Variants in NOTCH4 observed in about 807,000 individuals in gnomAD.
NOTCH4 encodes the protein neurogenic locus notch homolog protein 4.
In NOTCH4, 138 loss-of-function variants were observed where a neutral mutation model predicts 189.0. The observed-to-expected ratio is 0.73, with a 90% CI of 0.64 to 0.84. NOTCH4 has a LOEUF of 0.84. Among genes scored for constraint, NOTCH4 ranks in the 40% least tolerant of loss-of-function variants. The probability of loss-of-function intolerance (pLI) is 0.00; values close to 1 mark genes in which losing one functional copy is unlikely to be tolerated. For synonymous variants in NOTCH4, 942 were observed against 1,032.8 expected (o/e 0.91, Z 1.69); for missense variants, 2,286 against 2,605.4 (o/e 0.88, Z 2.67).
rs779968146 is a variant in NOTCH4, at chr6:32,202,369, G to GT, written c.3461_3462insA (p.Gly1156ArgfsTer24). On this transcript the variant is annotated frameshift_variant, in exon 21 of 30. Coordinates refer to ENST00000375023, the MANE Select transcript of NOTCH4 (RefSeq NM_004557.4). LOFTEE classifies it high-confidence loss of function. The surrounding 1 kb of genome is among the most constrained non-coding windows in gnomAD (Gnocchi z 5.7). ...GAGGGCAGGAGCATCGAAAGCCTGG[G>GT]CCCCCCAAGCCCGTGGTCTCTGAGC... The GT allele has an allele frequency of 6.2e-7, 1 of 1,612,710 alleles. No individual in the cohort carries two copies. The highest frequency in any genetic ancestry group is 1.1e-5 in the South Asian group (1 of 91,054).
chr6:32,220,154 G>A lies in NOTCH4; in HGVS notation c.1290C>T (p.His430=). ...CCATCAGACACTCGTCCAGGTCCTG[G>A]TGGCAGGTGGGCCCCGAATAGCCAG... is the stretch of plus-strand genomic sequence containing the variant. ...CQPGYSGPTC[H]QDLDECLMAQ... is the part of the protein sequence containing the mutation. Residue 430 remains histidine, a synonymous_variant, in exon 7 of 30, where the codon CAC becomes CAT. Coordinates refer to ENST00000375023, the MANE Select transcript of NOTCH4 (RefSeq NM_004557.4). 6.2e-7 allele frequency: 1 copy of A among 1,613,838 alleles called. No homozygotes were observed. The highest frequency in any genetic ancestry group is 1.1e-5 in the South Asian group (1 of 91,056).
At position 32,196,360 on chromosome 6, in the gene NOTCH4, G is replaced by C; in HGVS notation, c.5262C>G (p.Leu1754=). 1.2e-6 allele frequency: 2 copies of C among 1,613,144 alleles called. No individual in the cohort carries two copies. Among genetic ancestry groups the C allele is most frequent in the Non-Finnish European group, 1.7e-6 (2 of 1,180,040 alleles). Reference sequence around the variant, plus strand: ...GGGCATCTTTATCGGCTCCGGCCTGGAGAAGCGAGCGGGCGGCTCGGGCGT... The same window carrying C: ...GGGCATCTTTATCGGCTCCGGCCTGCAGAAGCGAGCGGGCGGCTCGGGCGT... ...VNNARAARSL[L]QAGADKDAQD... Residue 1754 remains leucine, a synonymous_variant, in exon 29 of 30, where the codon CTC becomes CTG. Transcript: ENST00000375023.
rs746886824 is a variant in NOTCH4, at chr6:32,198,393, T to A, written c.4756+28A>T. The A allele has an allele frequency of 1.3e-6, 2 of 1,577,864 alleles. No homozygotes were observed. Among genetic ancestry groups the A allele is most frequent in the South Asian group, 1.2e-5 (1 of 85,460 alleles). ...AATAGGGTCAAAGGACTTTTTTTTT[T>A]TTTCTTGGTCTGGGTTGACTCACAT... On this transcript the variant is annotated intron_variant, in intron 26 of 29. Coordinates refer to ENST00000375023, the MANE Select transcript of NOTCH4 (RefSeq NM_004557.4). This position sits in a 1 kb window ranked among gnomAD's most constrained non-coding sequence, Gnocchi z 5.5.
At position 32,201,874 on chromosome 6, in the gene NOTCH4, G is replaced by A. The variant is rs756748725; in HGVS notation, c.3755+202C>T. 9.8e-5 allele frequency: 44 copies of A among 446,960 alleles called. No individual in the cohort carries two copies. The highest frequency in any genetic ancestry group is 1.2e-4 in the Non-Finnish European group (31 of 267,440). 27.7% of individuals were successfully genotyped at this position (446,960 alleles called of 1,614,324 possible). ...TCTTAGAGAGGAGCCCAAAGGCCAC[G>A]CCCCACATTAAATACTGATGCCACC... On this transcript the variant is annotated intron_variant, in intron 21 of 29. Coordinates refer to ENST00000375023, the MANE Select transcript of NOTCH4 (RefSeq NM_004557.4). The surrounding 1 kb of genome is among the most constrained non-coding windows in gnomAD (Gnocchi z 5.5).
rs943026028 is a variant in NOTCH4, at chr6:32,202,634, T to C, written c.3232-35A>G. The C allele has an allele frequency of 2.6e-6, 4 of 1,535,686 alleles. No homozygotes were observed. The African/African-American group carries it at 4.1e-5, about 16-fold the overall frequency. On this transcript the variant is annotated intron_variant, in intron 20 of 29. Coordinates refer to ENST00000375023, the MANE Select transcript of NOTCH4 (RefSeq NM_004557.4). This position sits in a 1 kb window ranked among gnomAD's most constrained non-coding sequence, Gnocchi z 5.7. Reference sequence around the variant, plus strand: ...GGAGGGGAGATATTGGAGATGCAACTTGCATTATTCTTCCCGCTCTCCATC... The same window carrying C: ...GGAGGGGAGATATTGGAGATGCAACCTGCATTATTCTTCCCGCTCTCCATC...
intron 1 of NOTCH4, 48 bp from the exon 2 acceptor site, chr6:32,223,134 C>T: frequency 7.0e-7 from 1 of 1,429,858 alleles, no homozygotes; most frequent in Non-Finnish European, 9.9e-7. Context: ...TGCTGTGCCT[C>T]CACCTTTCCT....
chr6:32,213,591 T>A (rs1789169306), intron 14 of NOTCH4, 97 bp downstream of exon 14: 18 of 1,397,708 alleles, frequency 1.3e-5, no homozygotes, highest in Non-Finnish European at 1.8e-5. Flanking sequence ...CAGGCTGGTC[T>A]GTTCAATTAA....
At chr6:32,223,117 C>A in intron 1 of NOTCH4, 31 bp from the exon 2 acceptor site, 2 of 1,563,816 alleles carry the variant, frequency 1.3e-6, no homozygotes, top group Non-Finnish European at 1.8e-6. Context: ...GCAATGGAAG[C>A]CCTGGGTGCT....
In NOTCH4 at chr6:32,219,591, C is replaced by A; in HGVS notation, c.1510+1G>T. On this transcript the variant is annotated splice_donor_variant, in intron 8 of 29. Coordinates refer to ENST00000375023, the MANE Select transcript of NOTCH4 (RefSeq NM_004557.4). LOFTEE classifies it high-confidence loss of function. ...CACCCAAGGCCCCATCCAGCTGATA[C>A]CTGGCGGGCAGAGGCAGTGGAAGGT... The A allele has an allele frequency of 5.0e-6, 8 of 1,612,236 alleles. No individual in the cohort carries two copies. Among genetic ancestry groups the A allele is most frequent in the Non-Finnish European group, 6.8e-6 (8 of 1,179,614 alleles).
chr6:32,196,322 A>AC lies in NOTCH4; in HGVS notation c.5298+1dup. The AC allele has an allele frequency of 6.2e-7, 1 of 1,613,020 alleles. No individual in the cohort carries two copies. Among genetic ancestry groups the AC allele is most frequent in the Non-Finnish European group, 8.5e-7 (1 of 1,180,028 alleles). ...TGTGGGAAGCCCTCTGTCCCATCTA[A>AC]CCCTGTTGTCCTGGGCATCTTTATC... On this transcript the variant is annotated splice_donor_variant, in intron 29 of 29. Coordinates refer to ENST00000375023, the MANE Select transcript of NOTCH4 (RefSeq NM_004557.4). LOFTEE classifies it high-confidence loss of function.
rs201260854 is a variant in NOTCH4, at chr6:32,202,536, C to T, written c.3295G>A (p.Gly1099Arg). The T allele has an allele frequency of 4.4e-4, 703 of 1,608,784 alleles. 4 individuals carry two copies. The highest frequency in any genetic ancestry group is 9.8e-5 in the Non-Finnish European group (115 of 1,176,690). ...TTAGGGGAGGGCAGACACAGGCCTC[C>T]GTGGTGGCAGTGATGGAAGCCGCAG... ...PSCGFHHCHH[G>R]GLCLPSPKPG... The change falls in exon 21 of 30, where the codon GGA (glycine) becomes AGA (arginine). Residue 1099 changes from glycine to arginine, a missense_variant. By Grantham distance (125) the Gly-to-Arg change is moderately radical. Around this residue, in one of 2 missense-constraint regions of NOTCH4, gnomAD observed 1,903 missense variants for 2,261.9 expected, o/e 0.84. Transcript: ENST00000375023. The surrounding 1 kb of genome is among the most constrained non-coding windows in gnomAD (Gnocchi z 5.7).
chr6:32,211,435 C>CAAA (rs559352953), intron 17 of NOTCH4, among the ~76,000 whole-genome samples: 5 of 135,130 alleles, frequency 3.7e-5, no homozygotes, highest in Admixed American at 7.5e-5. Flanking sequence ...ACTAAAAATA[C>CAAA]AAAAAAAAAA....
chr6:32,214,247 C>G lies in NOTCH4; in HGVS notation c.2030G>C (p.Cys677Ser), dbSNP rs1309905249. Residue 677 changes from cysteine to serine, a missense_variant, in exon 13 of 30, where the codon TGT (cysteine) becomes TCT (serine). This residue lies in a region of NOTCH4 where 1,903 missense variants were observed against 2,261.9 expected (regional missense o/e 0.84). Coordinates refer to ENST00000375023, the MANE Select transcript of NOTCH4 (RefSeq NM_004557.4). ...CHHGHCQRSS[C>S]VCDVGWTGPE... ...CCCCGTCCAACCCACGTCACACACA[C>G]ATGAGGATCTGGTTGTAAAGAGAAA... 6.2e-7 allele frequency: 1 copy of G among 1,613,238 alleles called. No homozygotes were observed. Among genetic ancestry groups the G allele is most frequent in the East Asian group, 2.2e-5 (1 of 44,822 alleles).
chr6:32,215,201 A>G (rs1393331848), intron 12 of NOTCH4, 25 bp downstream of exon 12: 4 of 1,568,082 alleles, frequency 2.6e-6, no homozygotes, highest in Non-Finnish European at 1.7e-6. Context: ...GAGGGGGCAG[A>G]TGGGGAGGGT....
rs750394245 is a variant in NOTCH4 at position 32,220,745 on chromosome 6, A to C, written c.922+11T>G. 1 of 1,613,858 alleles carries C rather than the reference A, an allele frequency of 6.2e-7. No homozygotes were observed. On this transcript the variant is annotated intron_variant, in intron 5 of 29. Coordinates refer to ENST00000375023, the MANE Select transcript of NOTCH4 (RefSeq NM_004557.4). ...GCCATGGGTGTCATGGATGTGGCTT[A>C]AACAACTCACCTGTCCAGGTTTCTG...
At position 32,213,674 on chromosome 6, in the gene NOTCH4, C is replaced by T; in HGVS notation, c.2320+14G>A. ...TCCTGTGGACCCCAGCCCCATGACA[C>T]AGTGGGCACTCACCAGACACACAGT... On this transcript the variant is annotated intron_variant, in intron 14 of 29. Transcript: ENST00000375023. The T allele has an allele frequency of 6.2e-7, 1 of 1,612,280 alleles. No individual in the cohort carries two copies. Among genetic ancestry groups the T allele is most frequent in the Non-Finnish European group, 8.5e-7 (1 of 1,179,556 alleles).
At chr6:32,218,130 G>A (rs2127484345) in intron 8 of NOTCH4, 22 bp from the exon 9 acceptor site, 2 of 1,494,652 alleles carry the variant, frequency 1.3e-6, no homozygotes, top group East Asian at 2.3e-5. Flanking sequence ...GGGACCATGA[G>A]GGCTGTGGCT....
At chr6:32,214,982 G>A (rs206015) in intron 12 of NOTCH4, among the ~76,000 whole-genome samples, 22,359 of 152,100 alleles carry the variant, frequency 0.15, 1,930 homozygotes, top group East Asian at 0.31. Flanking sequence ...CTGGGATTTA[G>A]TGCTCTTCTT....
At chr6:32,196,839 C>G (rs1787970738) in intron 28 of NOTCH4, 86 bp downstream of exon 28, 3 of 1,510,212 alleles carry the variant, frequency 2.0e-6, no homozygotes, top group South Asian at 1.2e-5. Flanking sequence ...GGGAATGCCC[C>G]TCTGCTGCAC....
Sources: gnomAD v4.1 joint callset for allele counts (sites outside exome capture counted in the v4.1 genomes callset) on GRCh38, gnomAD v4.1.1 for gene constraint, gnomAD v4.1.1 regional missense constraint, Gnocchi (gnomAD v3.1) non-coding constraint, MANE v1.5 for transcripts, NCBI Gene and HGNC (gene_info 2026-07-23, HGNC 2026-07-21) for gene names.